KDM5A: variants seen among roughly 807,000 people sequenced by gnomAD.
The protein encoded by KDM5A is lysine-specific demethylase 5A.
Under a neutral mutation model 193.5 loss-of-function variants are expected in KDM5A, and 42 were observed. The observed-to-expected ratio is 0.22, with a 90% CI of 0.17 to 0.28. The LOEUF (loss-of-function observed/expected upper bound fraction) is 0.28, where lower values mean the gene tolerates loss of function less well. Ranked by LOEUF, KDM5A falls within the 10% of genes least tolerant of loss-of-function variation. The pLI is 1.00. For missense variants in KDM5A, 1,692 were observed against 2,055.1 expected (o/e 0.82, Z 3.42); for synonymous variants, 796 against 718.1 (o/e 1.11, Z -1.73).
intron 27 of KDM5A, 25 bp from the exon 28 acceptor site, chr12:285,687 G>T: frequency 6.3e-7 from 1 of 1,596,226 alleles, no homozygotes; most frequent in Non-Finnish European, 8.6e-7. Flanking sequence ...ATTGGGGAAT[G>T]TTTAGGTTAC....
chr12:343,213 G>A (rs550995900), intron 10 of KDM5A, among the ~76,000 whole-genome samples: 1 of 151,654 alleles, frequency 6.6e-6, no homozygotes, highest in African/African-American at 2.4e-5. Context: ...GCAGCAGCCT[G>A]GCTGGGGGAG....
At position 334,113 on chromosome 12, in the gene KDM5A, C is replaced by A. The variant is rs1763006500; in HGVS notation, c.1490+128G>T. Reference sequence around the variant, plus strand: ...AATTTTACTACCCAAAGAAATAGGCCAAGGCTAGAAATTATTGAAACCTTA... The same window carrying A: ...AATTTTACTACCCAAAGAAATAGGCAAAGGCTAGAAATTATTGAAACCTTA... On this transcript the variant is annotated intron_variant, in intron 11 of 27. Coordinates refer to ENST00000399788, the MANE Select transcript of KDM5A (RefSeq NM_001042603.3). 8.1e-6 allele frequency: 7 copies of A among 863,258 alleles called. No individual in the cohort carries two copies. In the Admixed American group the frequency reaches 1.5e-4, roughly 19 times the overall value. The allele number at this position is 863,258 out of a possible 1,614,324, so 53.5% of individuals were successfully genotyped here.
At chr12:365,766 A>C (rs1944349623) in intron 4 of KDM5A, among the ~76,000 whole-genome samples, 168 bp downstream of exon 4, 4 of 152,222 alleles carry the variant, frequency 2.6e-5, no homozygotes, top group Admixed American at 2.6e-4. Context: ...CATTTCCATT[A>C]TTCTTTATCT....
intron 10 of KDM5A, among the ~76,000 whole-genome samples, chr12:349,851 C>T (rs545401393): frequency 2.3e-4 from 35 of 150,752 alleles, no homozygotes; most frequent in East Asian, 6.0e-4. Flanking sequence ...CAGAGCTGGC[C>T]GGGCGCAGTG....
At chr12:348,068 A>G (rs532287572) in intron 10 of KDM5A, among the ~76,000 whole-genome samples, 11 of 152,246 alleles carry the variant, frequency 7.2e-5, no homozygotes, top group African/African-American at 2.4e-4. Context: ...AATTTACAAG[A>G]AAAAAACAAA....
chr12:291,901 C>CA (rs1231595539), intron 27 of KDM5A, among the ~76,000 whole-genome samples: 1 of 129,908 alleles, frequency 7.7e-6, no homozygotes, highest in Admixed American at 7.8e-5. Flanking sequence ...TAAAACAATG[C>CA]TTTTTTTTTT....
Position 388,973 on chromosome 12 carries a change from C to G in KDM5A, c.119G>C (p.Arg40Pro), listed in dbSNP as rs1307567536. The change falls in exon 1 of 28, where the codon CGG becomes CCG. Residue 40 changes from arginine (R) to proline (P), a missense_variant. By Grantham distance (103) the Arg-to-Pro change is moderately radical. This residue lies in a region of KDM5A where 84 missense variants were observed against 68.2 expected (regional missense o/e 1.23). Coordinates refer to ENST00000399788, the MANE Select transcript of KDM5A (RefSeq NM_001042603.3). ...GATGCCGGTTTTCTCCGCCAAAGGC[C>G]GGATGCGGCCGATAAAGCTGAGCGG... ...TDPLSFIGRI[R>P]PLAEKTGICK... 6.2e-7 allele frequency: 1 copy of G among 1,614,218 alleles called. No individual in the cohort carries two copies. Among genetic ancestry groups the G allele is most frequent in the Non-Finnish European group, 8.5e-7 (1 of 1,180,036 alleles).
Position 365,042 on chromosome 12 carries a change from T to C in KDM5A, c.537+892A>G, listed in dbSNP as rs549031567. ...GCCATAAAAATAAAGTACTGACACATGCTATAGCATGGCTGAACTTTTTTT... is the reference window on the plus strand; with the variant it reads ...GCCATAAAAATAAAGTACTGACACACGCTATAGCATGGCTGAACTTTTTTT... On this transcript the variant is annotated intron_variant, in intron 4 of 27. Transcript: ENST00000399788. Among the ~76,000 whole-genome samples the C allele has an allele frequency of 3.3e-5, 5 of 152,124 alleles. No homozygotes were observed. In the East Asian group the frequency reaches 9.7e-4, roughly 29 times the overall value.
intron 3 of KDM5A, among the ~76,000 whole-genome samples, chr12:374,568 T>C (rs1339097969): frequency 1.3e-5 from 2 of 152,194 alleles, no homozygotes; most frequent in East Asian, 3.8e-4. Flanking sequence ...ATTTAGCCCA[T>C]TTACATTTAA....
At chr12:379,591 G>A (rs1211614264) in intron 3 of KDM5A, among the ~76,000 whole-genome samples, 2 of 152,106 alleles carry the variant, frequency 1.3e-5, no homozygotes, top group Non-Finnish European at 1.5e-5. Context: ...GACATTTAGG[G>A]AACAAAGTAT....
intron 27 of KDM5A, among the ~76,000 whole-genome samples, chr12:292,156 G>A (rs913411772): frequency 3.3e-5 from 5 of 152,062 alleles, no homozygotes; most frequent in East Asian, 3.8e-4. Context: ...CGCCCACCTC[G>A]GCCTCCCAAA....
Position 352,211 on chromosome 12 carries a change from T to C in KDM5A, c.1143A>G (p.Pro381=). The change falls in exon 9 of 28, where the codon CCA becomes CCG. Residue 381 remains proline, a synonymous_variant. Transcript: ENST00000399788. ...DNFKSDYFNM[P]VHMVPTELVE... ...TAAAAGATAGCTTACTCACATGGAC[T>C]GGCATATTAAAATAATCAGACTTAA... 1 of 1,611,638 alleles carries C rather than the reference T, an allele frequency of 6.2e-7. No homozygotes were observed.
chr12:330,062 T>TGA (rs1435222802), intron 13 of KDM5A, among the ~76,000 whole-genome samples: 42 of 119,136 alleles, frequency 3.5e-4, no homozygotes, highest in Non-Finnish European at 5.1e-4. Flanking sequence ...AAAGTGTGTG[T>TGA]GTGTGTGTGT....
intron 10 of KDM5A, among the ~76,000 whole-genome samples, chr12:346,478 C>A (rs1318553026): frequency 6.6e-6 from 1 of 152,142 alleles, no homozygotes; most frequent in Admixed American, 6.5e-5. Context: ...AATTTTAGAC[C>A]AATATCCCTG....
At chr12:384,000 G>C (rs373623119) in intron 3 of KDM5A, 31 bp downstream of exon 3, 1 of 1,607,766 alleles carries the variant, frequency 6.2e-7, no homozygotes, top group South Asian at 1.1e-5. Context: ...ACAAGCCTGT[G>C]CTCTAATTTC....
chr12:285,376 G>A lies in KDM5A; in HGVS notation c.*80C>T. ...CATCTTTGGAAGCAACATTCCAAGT[G>A]GATATAAACCACTCTACTTGATGAC... On this transcript the variant is annotated 3_prime_UTR_variant, in exon 28 of 28. Transcript: ENST00000399788. The A allele has an allele frequency of 8.0e-7, 1 of 1,247,226 alleles. No homozygotes were observed. Among genetic ancestry groups the A allele is most frequent in the Non-Finnish European group, 1.2e-6 (1 of 851,680 alleles). The allele number at this position is 1,247,226 out of a possible 1,614,324, so 77.3% of individuals were successfully genotyped here.
Position 283,383 on chromosome 12 carries a change from A to T in KDM5A, c.*2073T>A, listed in dbSNP as rs1943178880. On this transcript the variant is annotated 3_prime_UTR_variant, in exon 28 of 28. Coordinates refer to ENST00000399788, the MANE Select transcript of KDM5A (RefSeq NM_001042603.3). ...CCATTGAAATCTTCGATCATACACA[A>T]ACTTACTTCAGATGAGACCTCAAGA... The T allele has an allele frequency of 8.6e-6, 2 of 232,798 alleles. No homozygotes were observed. Among genetic ancestry groups the T allele is most frequent in the East Asian group, 1.2e-4 (2 of 16,384 alleles). 14.4% of individuals were successfully genotyped at this position (232,798 alleles called of 1,614,324 possible). A position where few individuals can be genotyped will look rare whatever the true frequency, so the allele number is the denominator to read the frequency against.
intron 3 of KDM5A, among the ~76,000 whole-genome samples, chr12:368,505 C>T (rs1315459134): frequency 3.9e-5 from 6 of 151,972 alleles, no homozygotes; most frequent in Non-Finnish European, 7.4e-5. Flanking sequence ...CTGAGGCAGG[C>T]GGATCACCTG....
chr12:348,115 A>G (rs1466846448), intron 10 of KDM5A, among the ~76,000 whole-genome samples: 2 of 152,218 alleles, frequency 1.3e-5, no homozygotes, highest in East Asian at 1.9e-4. Flanking sequence ...ATATGAACAG[A>G]CACTTCTCAA....
Sources: allele counts gnomAD v4.1 joint callset (sites outside exome capture counted in the v4.1 genomes callset), GRCh38; gene constraint gnomAD v4.1.1; regional missense constraint gnomAD v4.1.1; transcripts MANE v1.5; gene names NCBI Gene and HGNC (gene_info 2026-07-23, HGNC 2026-07-21).